CSMD1: variants seen among roughly 807,000 people sequenced by gnomAD.
CSMD1 encodes the protein CUB and Sushi multiple domains 1, also known as CUB and sushi domain-containing protein 1.
CSMD1 carries 213 observed loss-of-function variants against 417.5 expected under a neutral mutation model. The observed-to-expected ratio is 0.51, with a 90% CI of 0.46 to 0.57. The LOEUF (loss-of-function observed/expected upper bound fraction) is 0.57. Ranked by LOEUF, CSMD1 falls within the 20% of genes least tolerant of loss-of-function variation. The pLI, the probability that CSMD1 is intolerant of heterozygous loss-of-function variation, is 0.00. For synonymous variants in CSMD1, 2,862 were observed against 1,736.8 expected, an observed-to-expected ratio of 1.65 and a Z score of -16.11; for missense variants, 6,923 against 4,529.7, an observed-to-expected ratio of 1.53 and a Z score of -15.17.
intron 6 of CSMD1, among the ~76,000 whole-genome samples, chr8:3,736,130 T>A (rs887850370): frequency 6.6e-6 from 1 of 152,312 alleles, no homozygotes; most frequent in South Asian, 2.1e-4. Context: ...ATTAAATCTT[T>A]TCAGTACTCA....
intron 5 of CSMD1, among the ~76,000 whole-genome samples, chr8:3,815,985 C>T (rs377237073): frequency 6.6e-6 from 1 of 152,124 alleles, no homozygotes; most frequent in South Asian, 2.1e-4. Context: ...TTGATGAAAG[C>T]ATTACAACAT....
Position 4,674,731 on chromosome 8 carries a change from G to C in CSMD1, c.86-37173C>G, listed in dbSNP as rs182224649. 1.5e-3 allele frequency among the ~76,000 whole-genome samples: 227 copies of C among 152,256 alleles called. 1 individual carries two copies. The highest frequency in any genetic ancestry group is 2.8e-3 in the Non-Finnish European group (190 of 68,006). On this transcript the variant is annotated intron_variant, in intron 1 of 69. Coordinates refer to ENST00000635120, the MANE Select transcript of CSMD1 (RefSeq NM_033225.6). The stretch of plus-strand genomic sequence containing the variant: ...GAGAGTAGTGCAAATACATATAGAA[G>C]AAAATGCAAGGTTTCCTGGCCTAGA...
chr8:4,159,101 A>G (rs1161249930), intron 3 of CSMD1, among the ~76,000 whole-genome samples: 1 of 152,034 alleles, frequency 6.6e-6, no homozygotes, highest in Non-Finnish European at 1.5e-5. Flanking sequence ...TTTTTAGTAG[A>G]GACGAGGCTT....
intron 1 of CSMD1, among the ~76,000 whole-genome samples, chr8:4,801,026 G>C (rs1165030635): frequency 1.3e-5 from 2 of 151,996 alleles, no homozygotes; most frequent in Non-Finnish European, 1.5e-5. Context: ...CAATATCTTG[G>C]ATTCACCATT....
In CSMD1 at chr8:3,140,679, T is replaced by A. The variant is rs539615603; in HGVS notation, c.6241+1786A>T. ...TCAGTAATAAATATCAAAGCCCTGT[T>A]TCTAAGCATTCTGTGGAATTAGGGA... is the stretch of plus-strand genomic sequence containing the variant. On this transcript the variant is annotated intron_variant, in intron 41 of 69. Coordinates refer to ENST00000635120, the MANE Select transcript of CSMD1 (RefSeq NM_033225.6). Among the ~76,000 whole-genome samples, 4 of 152,216 alleles carry A rather than the reference T, an allele frequency of 2.6e-5. No homozygotes were observed. The South Asian group carries it at 8.3e-4, about 32-fold the overall frequency.
At chr8:3,140,393 T>A (rs931592922) in intron 41 of CSMD1, among the ~76,000 whole-genome samples, 2 of 152,094 alleles carry the variant, frequency 1.3e-5, no homozygotes, top group African/African-American at 4.8e-5. Flanking sequence ...AAGTAGGGAA[T>A]GATTAGTGAG....
At chr8:3,952,140 G>A (rs566184671) in intron 5 of CSMD1, among the ~76,000 whole-genome samples, 1 of 152,132 alleles carries the variant, frequency 6.6e-6, no homozygotes, top group African/African-American at 2.4e-5. Flanking sequence ...GGTTCACAAA[G>A]TATGGTCGCA....
chr8:3,796,380 A>G (rs1459564665), intron 5 of CSMD1, among the ~76,000 whole-genome samples: 1 of 40,118 alleles, frequency 2.5e-5, no homozygotes, highest in Non-Finnish European at 5.2e-5. Context: ...TATCATGTAT[A>G]TATATATCTA....
intron 6 of CSMD1, among the ~76,000 whole-genome samples, chr8:3,741,439 G>C (rs1796799302): frequency 6.6e-6 from 1 of 152,110 alleles, no homozygotes; most frequent in African/African-American, 2.4e-5. Context: ...ATCATTTTGT[G>C]TACCTACATC....
chr8:4,062,790 A>G (rs2554704), intron 3 of CSMD1, among the ~76,000 whole-genome samples: 30,800 of 151,946 alleles, frequency 0.2, 3,991 homozygotes, highest in East Asian at 0.65. Flanking sequence ...GTTCAAACCC[A>G]GTATCTGTCA....
At position 3,856,169 on chromosome 8, in the gene CSMD1, G is replaced by A. The variant is rs183638462; in HGVS notation, c.819-102127C>T. ...CTGGATTGTGGAGGTGGTTTGTAAT[G>A]GTTTAGCACCATCCTCCCAGTGCTG... On this transcript the variant is annotated intron_variant, in intron 5 of 69. Coordinates refer to ENST00000635120, the MANE Select transcript of CSMD1 (RefSeq NM_033225.6). 3.7e-3 allele frequency among the ~76,000 whole-genome samples: 560 copies of A among 152,026 alleles called. 3 individuals carry two copies. The highest frequency in any genetic ancestry group is 7.4e-3 in the African/African-American group (306 of 41,462).
intron 1 of CSMD1, among the ~76,000 whole-genome samples, chr8:4,670,521 C>G (rs1226146131): frequency 6.6e-6 from 1 of 152,152 alleles, no homozygotes; most frequent in Non-Finnish European, 1.5e-5. Context: ...AAAGTGCTAA[C>G]TGCAAGGGAT....
chr8:4,461,052 A>C (rs1799784518), intron 2 of CSMD1, among the ~76,000 whole-genome samples: 2 of 152,194 alleles, frequency 1.3e-5, no homozygotes, highest in South Asian at 4.1e-4. Context: ...CATATAAAGC[A>C]TTATATACTG....
intron 5 of CSMD1, among the ~76,000 whole-genome samples, chr8:3,896,594 C>T (rs886546647): frequency 1.3e-5 from 2 of 152,046 alleles, no homozygotes; most frequent in Non-Finnish European, 2.9e-5. Context: ...TCACCGCAAG[C>T]TCTGCCTCCC....
intron 20 of CSMD1, among the ~76,000 whole-genome samples, chr8:3,362,593 C>A (rs1349815486): frequency 6.6e-6 from 1 of 152,122 alleles, no homozygotes; most frequent in East Asian, 1.9e-4. Flanking sequence ...TCCAGTATTT[C>A]TTTTTCTTTA....
chr8:3,541,458 A>G (rs143245379), intron 10 of CSMD1, among the ~76,000 whole-genome samples: 1 of 152,090 alleles, frequency 6.6e-6, no homozygotes, highest in African/African-American at 2.4e-5. Context: ...TGATAGGTGT[A>G]ACAAACCACC....
intron 1 of CSMD1, among the ~76,000 whole-genome samples, chr8:4,823,803 G>C (rs1229391753): frequency 6.6e-6 from 1 of 151,988 alleles, no homozygotes; most frequent in Non-Finnish European, 1.5e-5. Context: ...GGAGTGGTGA[G>C]TAGGGGAGAA....
chr8:4,512,872 T>C (rs943058065), intron 2 of CSMD1, among the ~76,000 whole-genome samples: 2 of 151,150 alleles, frequency 1.3e-5, no homozygotes, highest in African/African-American at 4.9e-5. Context: ...GAACTTTAAA[T>C]ACCTATTACC....
intron 1 of CSMD1, among the ~76,000 whole-genome samples, chr8:4,870,944 A>C (rs766000833): frequency 6.6e-6 from 1 of 152,130 alleles, no homozygotes; most frequent in Non-Finnish European, 1.5e-5. Flanking sequence ...ATGGAGCCTC[A>C]TTCAAATCCC....
Sources: allele counts gnomAD v4.1 joint callset (sites outside exome capture counted in the v4.1 genomes callset), GRCh38; gene constraint gnomAD v4.1.1; transcripts MANE v1.5; gene names NCBI Gene and HGNC (gene_info 2026-07-23, HGNC 2026-07-21).